Variants in TG observed in about 807,000 individuals in gnomAD.
TG encodes thyroglobulin, also known as thyroid hormones.
TG carries 270 observed loss-of-function variants against 324.7 expected under a neutral mutation model. That is an observed-to-expected ratio of 0.83 (90% CI 0.75 to 0.92). The LOEUF is 0.92. Ranked by LOEUF, TG falls within the 40% of genes least tolerant of loss-of-function variation. The pLI is 0.00. For missense variants in TG, 3,591 were observed against 3,456.4 expected, an observed-to-expected ratio of 1.04 and a Z score of -0.98; for synonymous variants, 1,401 against 1,327.0, an observed-to-expected ratio of 1.06 and a Z score of -1.21.
intron 35 of TG, among the ~76,000 whole-genome samples, chr8:132,998,579 G>A (rs188130639): frequency 1.3e-5 from 2 of 152,312 alleles, no homozygotes; most frequent in East Asian, 3.9e-4. Context: ...ATGGACCAAT[G>A]GGAGGTCTTG....
chr8:133,013,648 C>A lies in TG; in HGVS notation c.6446C>A (p.Pro2149His). 1 of 1,614,228 alleles carries A rather than the reference C, an allele frequency of 6.2e-7. No homozygotes were observed. The highest frequency in any genetic ancestry group is 8.5e-7 in the Non-Finnish European group (1 of 1,180,044). The stretch of plus-strand genomic sequence containing the variant: ...CTCATCACCACTCTGCAAACCCAAC[C>A]TGGGGCTGTGAGATGTATGTTCTAT... ...ACLITTLQTQ[P>H]GAVRCMFYAD... Residue 2149 changes from proline to histidine, a missense_variant, in exon 37 of 48, where the codon CCT becomes CAT. Transcript: ENST00000220616.
At chr8:132,961,806 C>T (rs1021027120) in intron 28 of TG, among the ~76,000 whole-genome samples, 1 of 152,128 alleles carries the variant, frequency 6.6e-6, no homozygotes, top group African/African-American at 2.4e-5. Context: ...TTCCTGTTCC[C>T]CTAATCTGTC....
At position 132,913,088 on chromosome 8, in the gene TG, G is replaced by A. The variant is rs753750745; in HGVS notation, c.4201G>A (p.Asp1401Asn). 1.2e-6 allele frequency: 2 copies of A among 1,614,190 alleles called. No individual in the cohort carries two copies. The highest frequency in any genetic ancestry group is 1.7e-5 in the Admixed American group (1 of 60,032). Residue 1401 changes from aspartate to asparagine, a missense_variant, in exon 20 of 48, where the codon GAT becomes AAT. Asp to Asn is a conservative substitution (Grantham distance 23, BLOSUM62 1). Coordinates refer to ENST00000220616, the MANE Select transcript of TG (RefSeq NM_003235.5). ...CAAGGATCTCCTTGGGCGCTTCACA[G>A]ATCTGATCCAGAGTGGCTCATTCCA... ...VGKDLLGRFT[D>N]LIQSGSFQLH...
chr8:132,917,284 C>A (rs950715397), intron 20 of TG, among the ~76,000 whole-genome samples: 2 of 151,906 alleles, frequency 1.3e-5, no homozygotes, highest in African/African-American at 2.4e-5. Flanking sequence ...GTGGTCAGGG[C>A]AGGTGTGCTG....
chr8:133,100,202 G>A (rs1010576883), intron 43 of TG, among the ~76,000 whole-genome samples: 30 of 152,274 alleles, frequency 2.0e-4, no homozygotes, highest in Admixed American at 1.5e-3. Context: ...CTTCTGGAAT[G>A]TTCTTCCCAG....
At chr8:133,020,894 C>T (rs148730552) in intron 39 of TG, among the ~76,000 whole-genome samples, 2 of 152,226 alleles carry the variant, frequency 1.3e-5, no homozygotes, top group Non-Finnish European at 2.9e-5. Context: ...TGAGGGGGCC[C>T]CTTTGTAGAA....
chr8:132,886,331 C>T (rs13260781), intron 8 of TG, 117 bp from the exon 9 acceptor site: 16,224 of 1,396,256 alleles, frequency 0.012, 142 homozygotes, highest in Middle Eastern at 0.043. Context: ...TGGTTTCAAA[C>T]GTAGGTGTCC....
At chr8:132,983,181 T>G (rs1831100107) in intron 34 of TG, among the ~76,000 whole-genome samples, 169 bp from the exon 35 acceptor site, 1 of 152,162 alleles carries the variant, frequency 6.6e-6, no homozygotes, top group South Asian at 2.1e-4. Context: ...TGAGATTGTT[T>G]GTTAGCTCAG....
intron 20 of TG, among the ~76,000 whole-genome samples, chr8:132,916,625 A>G (rs920830651): frequency 6.6e-6 from 1 of 152,172 alleles, no homozygotes; most frequent in Non-Finnish European, 1.5e-5. Flanking sequence ...TCCATTGCTC[A>G]TGACTCGTGT....
rs377018632 is a variant in TG at position 132,898,896 on chromosome 8, C to T, written c.3316C>T (p.Pro1106Ser). ...ENPSPKDLFV[P>S]ACLETGEYAR... ...CCCATCTCCAAAAGACCTGTTCGTC[C>T]CAGCCTGCCTAGAAGTAAGGGTCTG... is the stretch of plus-strand genomic sequence containing the variant. Residue 1106 changes from proline (P) to serine (S), a missense_variant, in exon 14 of 48, where the codon CCA (proline) becomes TCA (serine). Transcript: ENST00000220616. 3.1e-5 allele frequency: 50 copies of T among 1,613,920 alleles called. No individual in the cohort carries two copies. Among genetic ancestry groups the T allele is most frequent in the Non-Finnish European group, 4.1e-5 (48 of 1,179,940 alleles).
At chr8:132,913,008 A>G (rs779919650) in intron 19 of TG, 39 bp from the exon 20 acceptor site, 8 of 1,597,632 alleles carry the variant, frequency 5.0e-6, no homozygotes, top group Non-Finnish European at 6.0e-6. Context: ...CTAGCAGAGT[A>G]CAGTGGGGGT....
chr8:133,037,686 A>T (rs1368556361), intron 41 of TG: 1 of 151,402 alleles, frequency 6.6e-6, no homozygotes, highest in Non-Finnish European at 1.5e-5. Flanking sequence ...GACTTAATGC[A>T]ATGCCTATTC....
rs536731623 is a variant in TG, at chr8:132,974,241, G to A, written c.6199+1500G>A. Among the ~76,000 whole-genome samples the A allele has an allele frequency of 7.2e-5, 11 of 152,136 alleles. No homozygotes were observed. The South Asian group carries it at 1.7e-3, about 23-fold the overall frequency. On this transcript the variant is annotated intron_variant, in intron 34 of 47. Coordinates refer to ENST00000220616, the MANE Select transcript of TG (RefSeq NM_003235.5). ...ACTCCTGACCTCAGGTGATCCACCCGCCTCGGCCTCCCAAAGTGCTGGGAT... is the reference window on the plus strand; with the variant it reads ...ACTCCTGACCTCAGGTGATCCACCCACCTCGGCCTCCCAAAGTGCTGGGAT...
chr8:132,931,861 C>T (rs555543653), intron 23 of TG, among the ~76,000 whole-genome samples: 96 of 152,000 alleles, frequency 6.3e-4, no homozygotes, highest in African/African-American at 2.0e-3. Flanking sequence ...TTTGGGAGGC[C>T]GAGGCAGGTG....
chr8:133,009,991 G>A (rs956631277), intron 35 of TG, among the ~76,000 whole-genome samples: 12 of 152,168 alleles, frequency 7.9e-5, no homozygotes, highest in African/African-American at 2.7e-4. Context: ...CAGTGTGCTG[G>A]TTGTCAAAGA....
chr8:133,061,944 A>G (rs1842425232), intron 41 of TG, among the ~76,000 whole-genome samples: 2 of 152,240 alleles, frequency 1.3e-5, no homozygotes, highest in Admixed American at 1.3e-4. Flanking sequence ...AGAGTTGTTT[A>G]AAAGTCCGTA....
At chr8:133,006,336 CAGGAAAGTTAAT>C (rs1410866947) in intron 35 of TG, among the ~76,000 whole-genome samples, 5 of 152,210 alleles carry the variant, frequency 3.3e-5, no homozygotes, top group African/African-American at 7.2e-5. Flanking sequence ...TCGGAATCAC[CAGGAAAGTTAAT>C]AGACTACAGA....
intron 24 of TG, among the ~76,000 whole-genome samples, chr8:132,934,599 T>A (rs959344878): frequency 6.6e-6 from 1 of 152,206 alleles, no homozygotes; most frequent in African/African-American, 2.4e-5. Flanking sequence ...TTCTTTCTTT[T>A]TGCTCTCCAA....
At chr8:132,994,583 A>C (rs1368695013) in intron 35 of TG, 1 of 896,178 alleles carries the variant, frequency 1.1e-6, no homozygotes, top group Non-Finnish European at 1.5e-6. Flanking sequence ...GGCTAGTGCT[A>C]CACAAAGTTT....
Sources: gnomAD v4.1 joint callset for allele counts (sites outside exome capture counted in the v4.1 genomes callset) on GRCh38, gnomAD v4.1.1 for gene constraint, MANE v1.5 for transcripts, NCBI Gene and HGNC (gene_info 2026-07-23, HGNC 2026-07-21) for gene names.